GABRA6: variants seen among roughly 807,000 people sequenced by gnomAD.
GABRA6 encodes the protein gamma-aminobutyric acid type A receptor subunit alpha6, also known as gamma-aminobutyric acid receptor subunit alpha-6.
A neutral mutation model predicts 47.3 loss-of-function variants in GABRA6; 45 were observed. The ratio of observed to expected loss-of-function variants is 0.95; its 90% CI spans 0.75 to 1.22. The LOEUF is 1.22. GABRA6 is among the 50% of genes most tolerant of loss of function. The pLI, the probability that GABRA6 is intolerant of heterozygous loss-of-function variation, is 0.00. For synonymous variants in GABRA6, 219 were observed against 194.7 expected (o/e 1.12, Z -1.04); for missense variants, 583 against 549.3 (o/e 1.06, Z -0.61).
intron 7 of GABRA6, among the ~76,000 whole-genome samples, chr5:161,691,120 A>C (rs973765244): frequency 6.6e-6 from 1 of 151,996 alleles, no homozygotes; most frequent in Non-Finnish European, 1.5e-5. Flanking sequence ...TGAGTGATAA[A>C]TTTTATCTTC....
chr5:161,689,113 A>G lies in GABRA6; in HGVS notation c.390A>G (p.Thr130=). The change falls in exon 4 of 9, where the codon ACA becomes ACG. Residue 130 remains threonine, a synonymous_variant. Transcript: ENST00000274545. ...AAAAGTCCATTGCTCACAACATGAC[A>G]ACTCCTAATAAACTCTTCAGAATAA... The part of the protein sequence containing the change: ...NGKKSIAHNM[T]TPNKLFRIMQ... The G allele has an allele frequency of 6.2e-7, 1 of 1,614,118 alleles. No individual in the cohort carries two copies.
intron 3 of GABRA6, chr5:161,687,454 G>A (rs1754720518): frequency 2.2e-6 from 1 of 447,444 alleles, no homozygotes; most frequent in Admixed American, 2.5e-5. Context: ...GAGGTCATTT[G>A]GAAAGGCTGA....
At chr5:161,701,458 A>C (rs373829104) in intron 8 of GABRA6, 40 bp from the exon 9 acceptor site, 6 of 1,590,868 alleles carry the variant, frequency 3.8e-6, no homozygotes, top group African/African-American at 1.3e-5. Context: ...AGCAATATCT[A>C]TTCTTTCATT....
intron 3 of GABRA6, chr5:161,687,474 C>T (rs1328266249): frequency 4.4e-6 from 2 of 455,088 alleles, no homozygotes; most frequent in African/African-American, 4.0e-5. Flanking sequence ...ATGCTCTCCA[C>T]CTTTTACATT....
At chr5:161,691,667 T>C (rs184005482) in intron 7 of GABRA6, among the ~76,000 whole-genome samples, 179 of 152,186 alleles carry the variant, frequency 1.2e-3, no homozygotes, top group Non-Finnish European at 2.0e-3. Flanking sequence ...CAACTAGAAC[T>C]ATTTACGACT....
At chr5:161,693,620 G>A (rs1307312449) in intron 8 of GABRA6, among the ~76,000 whole-genome samples, 2 of 150,578 alleles carry the variant, frequency 1.3e-5, no homozygotes, top group Non-Finnish European at 3.0e-5. Flanking sequence ...AAATCAGAAT[G>A]GGCAACATAG....
chr5:161,692,224 T>C, intron 8 of GABRA6, 24 bp downstream of exon 8: 1 of 1,614,084 alleles, frequency 6.2e-7, no homozygotes, highest in Non-Finnish European at 8.5e-7. Flanking sequence ...TTTTCTATCA[T>C]TACCTACCGT....
Position 161,689,351 on chromosome 5 carries a change from G to A in GABRA6, c.529+15G>A, listed in dbSNP as rs776348267. The A allele has an allele frequency of 9.4e-6, 15 of 1,603,438 alleles. No individual in the cohort carries two copies. Among genetic ancestry groups the A allele is most frequent in the South Asian group, 7.7e-5 (7 of 90,828 alleles). ...GTTTGGGAGCTGTAAGTTACAACAGGCTTCTGAGAGTCAAATAATACATCC... is the reference window on the plus strand; with the variant it reads ...GTTTGGGAGCTGTAAGTTACAACAGACTTCTGAGAGTCAAATAATACATCC... On this transcript the variant is annotated intron_variant, in intron 5 of 8. Transcript: ENST00000274545.
At chr5:161,688,456 T>G (rs979789081) in intron 3 of GABRA6, among the ~76,000 whole-genome samples, 1 of 152,168 alleles carries the variant, frequency 6.6e-6, no homozygotes, top group African/African-American at 2.4e-5. Flanking sequence ...AAAATAATTT[T>G]GATGTGCAGC....
chr5:161,686,484 C>T (rs1754704343), intron 2 of GABRA6, 136 bp downstream of exon 2: 1 of 764,612 alleles, frequency 1.3e-6, no homozygotes, highest in Non-Finnish European at 2.4e-6. Flanking sequence ...GGTATGTTCC[C>T]ATCCAGTCTC....
chr5:161,691,669 T>C (rs1754794059), intron 7 of GABRA6, among the ~76,000 whole-genome samples: 1 of 152,080 alleles, frequency 6.6e-6, no homozygotes, highest in Admixed American at 6.6e-5. Context: ...ACTAGAACTA[T>C]TTACGACTTA....
chr5:161,692,333 C>A, intron 8 of GABRA6, 133 bp downstream of exon 8: 1 of 1,020,040 alleles, frequency 9.8e-7, no homozygotes, highest in Non-Finnish European at 1.5e-6. Context: ...AAGAGCAAGG[C>A]CAGTTTCTGT....
At chr5:161,689,222 T>C (rs1449395673) in intron 4 of GABRA6, 32 bp from the exon 5 acceptor site, 2 of 1,611,950 alleles carry the variant, frequency 1.2e-6, no homozygotes, top group Non-Finnish European at 1.7e-6. Context: ...TCCATAATAC[T>C]AACTCAGAAC....
chr5:161,701,240 A>G (rs1473680158), intron 8 of GABRA6, among the ~76,000 whole-genome samples: 1 of 152,188 alleles, frequency 6.6e-6, no homozygotes, highest in Non-Finnish European at 1.5e-5. Context: ...CTATGACATG[A>G]AACATGCTTT....
Position 161,691,986 on chromosome 5 carries a change from G to A in GABRA6, c.872G>A (p.Arg291Gln), listed in dbSNP as rs754897029. 5 of 1,613,938 alleles carry A rather than the reference G, an allele frequency of 3.1e-6. No individual in the cohort carries two copies. The highest frequency in any genetic ancestry group is 2.2e-5 in the South Asian group (2 of 91,074). ...ATGACCACTTTGAGCATCAGTGCCCGGCACTCTTTGCCAAAAGTGTCATAT... is the reference window on the plus strand; with the variant it reads ...ATGACCACTTTGAGCATCAGTGCCCAGCACTCTTTGCCAAAAGTGTCATAT... ...LTMTTLSISA[R>Q]HSLPKVSYAT... is the part of the protein sequence containing the mutation. Residue 291 changes from arginine to glutamine, a missense_variant, in exon 8 of 9, where the codon CGG (arginine) becomes CAG (glutamine). By Grantham distance (43) the Arg-to-Gln change is conservative. Coordinates refer to ENST00000274545, the MANE Select transcript of GABRA6 (RefSeq NM_000811.3).
intron 8 of GABRA6, among the ~76,000 whole-genome samples, chr5:161,694,319 A>G (rs902443162): frequency 2.0e-5 from 3 of 151,614 alleles, no homozygotes; most frequent in African/African-American, 7.2e-5. Context: ...GAAAAAAAAA[A>G]AGATCGTCAA....
Position 161,700,830 on chromosome 5 carries a change from T to A in GABRA6, c.1087-668T>A, listed in dbSNP as rs113388752. Among the ~76,000 whole-genome samples the A allele has an allele frequency of 2.5e-4, 38 of 152,094 alleles. 1 individual carries two copies. Among genetic ancestry groups the A allele is most frequent in the African/African-American group, 9.2e-4 (38 of 41,508 alleles). On this transcript the variant is annotated intron_variant, in intron 8 of 8. Coordinates refer to ENST00000274545, the MANE Select transcript of GABRA6 (RefSeq NM_000811.3). ...AAAGTTCTGAGCGGGAAGTAAGGAG[T>A]GTACAATATAGAAATTCTGAGCTAA...
chr5:161,693,642 C>T (rs1022570531), intron 8 of GABRA6, among the ~76,000 whole-genome samples: 2 of 121,582 alleles, frequency 1.6e-5, no homozygotes, highest in East Asian at 2.2e-4. Context: ...AGGCTGACCC[C>T]CATATCTGCA....
At chr5:161,691,052 A>G (rs1181516278) in intron 7 of GABRA6, among the ~76,000 whole-genome samples, 2 of 152,018 alleles carry the variant, frequency 1.3e-5, no homozygotes, top group Non-Finnish European at 2.9e-5. Context: ...AATATTATAC[A>G]TCTCCTAATA....
Sources: allele counts gnomAD v4.1 joint callset (sites outside exome capture counted in the v4.1 genomes callset), GRCh38; gene constraint gnomAD v4.1.1; transcripts MANE v1.5; gene names NCBI Gene and HGNC (gene_info 2026-07-23, HGNC 2026-07-21).